The following SLC25A29 variants were observed in gnomAD, a reference collection of about 807,000 sequenced individuals.
The protein encoded by SLC25A29 is mitochondrial basic amino acids transporter.
A neutral mutation model predicts 10.0 loss-of-function variants in SLC25A29; 13 were observed. The ratio of observed to expected loss-of-function variants is 1.30; its 90% CI spans 0.85 to 2.07. SLC25A29 has a LOEUF of 2.07. SLC25A29 is among the 30% of genes most tolerant of loss of function. SLC25A29 has a pLI of 0.00. For missense variants in SLC25A29, 475 were observed against 447.6 expected (o/e 1.06, Z -0.55); for synonymous variants, 244 against 221.1 (o/e 1.10, Z -0.92).
At position 100,305,820 on chromosome 14, in the gene SLC25A29, G is replaced by T. The variant is rs1015332227; in HGVS notation, c.34+379C>A. 280 of 216,932 alleles carry T rather than the reference G, an allele frequency of 1.3e-3. 1 individual carries two copies. Among genetic ancestry groups the T allele is most frequent in the Non-Finnish European group, 9.1e-4 (100 of 110,180 alleles). 13.4% of individuals were successfully genotyped at this position (216,932 alleles called of 1,614,324 possible). A position where few individuals can be genotyped will look rare whatever the true frequency, so the allele number is the denominator to read the frequency against. On this transcript the variant is annotated intron_variant, in intron 1 of 3. Transcript: ENST00000359232. The stretch of plus-strand genomic sequence containing the variant: ...AGTCAGTCCCGAAATATACGGCCGG[G>T]GGAGGGGACCCTGCTCCCAGTGCGC...
At chr14:100,299,427 G>T in intron 1 of SLC25A29, 1 of 994,126 alleles carries the variant, frequency 1.0e-6, no homozygotes, top group Non-Finnish European at 1.2e-6. Flanking sequence ...AGACTGAACA[G>T]GGTAATGGCC....
chr14:100,302,651 G>A (rs905583957), intron 1 of SLC25A29, among the ~76,000 whole-genome samples: 3 of 152,122 alleles, frequency 2.0e-5, no homozygotes, highest in South Asian at 2.1e-4. Flanking sequence ...CACTGAGCCC[G>A]GCTCAAAATC....
the SLC25A29 span, among the ~76,000 whole-genome samples, chr14:100,285,512 G>A: frequency 6.6e-6 from 1 of 151,768 alleles, no homozygotes; most frequent in East Asian, 1.9e-4. Flanking sequence ...CGGACCTCGC[G>A]GGGACCCGAG....
At chr14:100,295,362 C>T (rs1892065686) in intron 2 of SLC25A29, 1 of 326,996 alleles carries the variant, frequency 3.1e-6, no homozygotes, top group South Asian at 2.5e-5. Context: ...ACGGACCCAC[C>T]CCTGGGAAAC....
Position 100,306,267 on chromosome 14 carries a change from G to C in SLC25A29, c.-35C>G. 6.9e-7 allele frequency: 1 copy of C among 1,446,916 alleles called. No individual in the cohort carries two copies. Among genetic ancestry groups the C allele is most frequent in the Non-Finnish European group, 9.1e-7 (1 of 1,103,516 alleles). The allele number at this position is 1,446,916 out of a possible 1,614,324, so 89.6% of individuals were successfully genotyped here. On this transcript the variant is annotated 5_prime_UTR_variant, in exon 1 of 4. Coordinates refer to ENST00000359232, the MANE Select transcript of SLC25A29 (RefSeq NM_001039355.3). ...CCCGGCGAGGCCGCCTTTCCTCCTC[G>C]TCCTCCCCCTGAGGCCCCTCGCCGG...
rs747703328 is a variant in SLC25A29, at chr14:100,298,809, C to G, written c.78+33G>C. On this transcript the variant is annotated intron_variant, in intron 2 of 3. Coordinates refer to ENST00000359232, the MANE Select transcript of SLC25A29 (RefSeq NM_001039355.3). ...CCTGTGAGCCTCTCTCCAATGTACG[C>G]GCCGAGGAAAAAAAAGCAGCGATGA... is the stretch of plus-strand genomic sequence containing the variant. 2.5e-6 allele frequency: 4 copies of G among 1,614,024 alleles called. No individual in the cohort carries two copies. In the East Asian group the frequency reaches 8.9e-5, roughly 36 times the overall value.
intron 2 of SLC25A29, among the ~76,000 whole-genome samples, chr14:100,296,739 C>T (rs1051631978): frequency 6.6e-6 from 1 of 152,058 alleles, no homozygotes. Context: ...GCTGGGACTA[C>T]AGGCACCCGC....
At chr14:100,288,656 G>T (rs1004998304), downstream of SLC25A29, among the ~76,000 whole-genome samples, 1 of 151,048 alleles carries the variant, frequency 6.6e-6, no homozygotes, top group Non-Finnish European at 1.5e-5. Context: ...CAGCCTAGTG[G>T]TATCTGTGGC....
chr14:100,297,459 G>T (rs1455939669), intron 2 of SLC25A29, among the ~76,000 whole-genome samples: 1 of 152,246 alleles, frequency 6.6e-6, no homozygotes, highest in East Asian at 1.9e-4. Flanking sequence ...CCTCCACGGA[G>T]CTGGAAAGAG....
At chr14:100,295,877 G>A in intron 2 of SLC25A29, 2 of 1,289,760 alleles carry the variant, frequency 1.6e-6, no homozygotes, top group Non-Finnish European at 2.0e-6. Context: ...CAAGGAAGCA[G>A]GACAGAAAAC....
chr14:100,298,945 G>A (rs1160543090), intron 1 of SLC25A29, 60 bp from the exon 2 acceptor site: 4 of 1,592,814 alleles, frequency 2.5e-6, no homozygotes, highest in Non-Finnish European at 2.6e-6. Context: ...GCAGGGTGCT[G>A]GGCAGGAGGG....
intron 1 of SLC25A29, among the ~76,000 whole-genome samples, chr14:100,302,900 C>A (rs1159452996): frequency 6.6e-6 from 1 of 151,882 alleles, no homozygotes. Flanking sequence ...TTTAAAGTAA[C>A]CCTGCCTGGA....
chr14:100,298,487 T>G, intron 2 of SLC25A29: 1 of 364,608 alleles, frequency 2.7e-6, no homozygotes, highest in Non-Finnish European at 5.2e-6. Context: ...TCATGGGAGA[T>G]ATGAGTTTTG....
the SLC25A29 span, among the ~76,000 whole-genome samples, chr14:100,284,512 C>T: frequency 6.6e-6 from 1 of 152,202 alleles, no homozygotes; most frequent in Admixed American, 6.5e-5. Context: ...TCCCGCCGAC[C>T]CTCAGAGCCC....
intron 2 of SLC25A29, chr14:100,293,624 A>G: frequency 1.8e-6 from 1 of 554,050 alleles, no homozygotes. Flanking sequence ...AAGATCTCAG[A>G]CCAATTCAGG....
the SLC25A29 span, chr14:100,279,222 C>T: frequency 1.3e-5 from 2 of 152,216 alleles, no homozygotes; most frequent in Non-Finnish European, 2.9e-5. Flanking sequence ...AAAGTGCAAA[C>T]ATACTGTGTG....
chr14:100,305,493 C>A (rs1892862495), intron 1 of SLC25A29: 1 of 152,140 alleles, frequency 6.6e-6, no homozygotes, highest in African/African-American at 2.4e-5. Flanking sequence ...CCGTGCCCGA[C>A]GCCCACGGTC....
At chr14:100,296,183 G>A in intron 2 of SLC25A29, 1 of 448,374 alleles carries the variant, frequency 2.2e-6, no homozygotes, top group Non-Finnish European at 3.8e-6. Context: ...CAGCACTTTG[G>A]GAGGCCAAGG....
rs1891749572 is a variant in SLC25A29, at chr14:100,292,218, T to C, written c.*65A>G. The C allele has an allele frequency of 6.6e-7, 1 of 1,519,386 alleles. No individual in the cohort carries two copies. The allele number at this position is 1,519,386 out of a possible 1,614,324, so 94.1% of individuals were successfully genotyped here. ...CCCAGCAGGAAGCAGGGCAATCGAC[T>C]CAGGGGCCAATTTATGTCCCAGGTT... is the stretch of plus-strand genomic sequence containing the variant. On this transcript the variant is annotated 3_prime_UTR_variant, in exon 4 of 4. Transcript: ENST00000359232.
Sources: gnomAD v4.1 joint callset for allele counts (sites outside exome capture counted in the v4.1 genomes callset) on GRCh38, gnomAD v4.1.1 for gene constraint, MANE v1.5 for transcripts, NCBI Gene and HGNC (gene_info 2026-07-23, HGNC 2026-07-21) for gene names.